The following SEMA5A variants were observed in gnomAD, a reference collection of about 807,000 sequenced individuals.
SEMA5A encodes the protein semaphorin-5A.
A neutral mutation model predicts 135.5 loss-of-function variants in SEMA5A; 55 were observed. That is an observed-to-expected ratio of 0.41 (90% CI 0.33 to 0.51). The LOEUF (loss-of-function observed/expected upper bound fraction) is 0.51, where lower values mean the gene tolerates loss of function less well. Among genes scored for constraint, SEMA5A ranks in the 20% least tolerant of loss-of-function variants. The probability of loss-of-function intolerance (pLI) is 0.37; values close to 1 mark genes in which losing one functional copy is unlikely to be tolerated. For synonymous variants in SEMA5A, 580 were observed against 546.5 expected, an observed-to-expected ratio of 1.06 and a Z score of -0.85; for missense variants, 1,290 against 1,419.9, an observed-to-expected ratio of 0.91 and a Z score of 1.47.
chr5:9,410,630 G>A (rs556532323), intron 2 of SEMA5A, among the ~76,000 whole-genome samples: 2 of 152,268 alleles, frequency 1.3e-5, no homozygotes, highest in East Asian at 3.9e-4. Context: ...AACACTGCAT[G>A]TTCTCACTTA....
At chr5:9,119,914 A>G (rs1740719013) in intron 14 of SEMA5A, among the ~76,000 whole-genome samples, 1 of 151,456 alleles carries the variant, frequency 6.6e-6, no homozygotes, top group African/African-American at 2.4e-5. Flanking sequence ...ATAAAAATAT[A>G]AAATAAAAAT....
At chr5:9,134,746 A>G (rs1413702505) in intron 13 of SEMA5A, among the ~76,000 whole-genome samples, 1 of 152,240 alleles carries the variant, frequency 6.6e-6, no homozygotes. Context: ...TTTATGATTA[A>G]AAATGCAAGA....
At chr5:9,051,665 C>G (rs190770412) in intron 20 of SEMA5A, among the ~76,000 whole-genome samples, 14 of 152,238 alleles carry the variant, frequency 9.2e-5, no homozygotes, top group Non-Finnish European at 1.3e-4. Flanking sequence ...GACACTTTTC[C>G]TAAGAAATCT....
intron 1 of SEMA5A, among the ~76,000 whole-genome samples, chr5:9,509,463 C>T (rs907666262): frequency 7.2e-5 from 11 of 151,910 alleles, no homozygotes; most frequent in South Asian, 4.2e-4. Flanking sequence ...TTAGTAGAGA[C>T]AGGTTTTCAT....
intron 5 of SEMA5A, among the ~76,000 whole-genome samples, chr5:9,309,742 A>G (rs1218860855): frequency 6.6e-6 from 1 of 152,180 alleles, no homozygotes; most frequent in African/African-American, 2.4e-5. Context: ...CTTGGTTCAT[A>G]TTCTCTGAAA....
intron 13 of SEMA5A, among the ~76,000 whole-genome samples, chr5:9,130,412 T>C (rs1741344252): frequency 6.6e-6 from 1 of 152,210 alleles, no homozygotes; most frequent in South Asian, 2.1e-4. Context: ...CATGCTATGA[T>C]ATCAACTAAG....
chr5:9,417,111 T>C (rs1309695859), intron 2 of SEMA5A, among the ~76,000 whole-genome samples: 1 of 152,242 alleles, frequency 6.6e-6, no homozygotes, highest in African/African-American at 2.4e-5. Flanking sequence ...TATTCTGCCA[T>C]GCAGAAAAAT....
intron 9 of SEMA5A, among the ~76,000 whole-genome samples, chr5:9,197,777 TGTGTGTG>T (rs1745492592): frequency 4.9e-5 from 6 of 123,488 alleles, no homozygotes; most frequent in Middle Eastern, 8.3e-3. Flanking sequence ...TGTGTGTGTG[TGTGTGTG>T]TTTTAACCCA....
intron 2 of SEMA5A, among the ~76,000 whole-genome samples, chr5:9,388,797 G>T (rs1298429766): frequency 6.6e-6 from 1 of 152,014 alleles, no homozygotes; most frequent in Non-Finnish European, 1.5e-5. Context: ...TACCCTGGAG[G>T]CTGAGGCAGG....
chr5:9,492,938 A>C (rs1345213404), intron 1 of SEMA5A, among the ~76,000 whole-genome samples: 1 of 152,140 alleles, frequency 6.6e-6, no homozygotes, highest in Non-Finnish European at 1.5e-5. Context: ...CTGTTGGTGG[A>C]TGCATGTCAT....
At chr5:9,472,840 A>G (rs148670502) in intron 1 of SEMA5A, among the ~76,000 whole-genome samples, 1,878 of 150,952 alleles carry the variant, frequency 0.012, 37 homozygotes, top group African/African-American at 0.042. Context: ...TATTAGAAGT[A>G]TATATAAAAA....
At chr5:9,141,145 A>C (rs2150230286) in intron 12 of SEMA5A, among the ~76,000 whole-genome samples, 1 of 152,282 alleles carries the variant, frequency 6.6e-6, no homozygotes, top group Middle Eastern at 3.4e-3. Context: ...CCATGGGCAA[A>C]ATTCTGATGA....
intron 14 of SEMA5A, among the ~76,000 whole-genome samples, chr5:9,121,853 G>C (rs1306272829): frequency 6.6e-6 from 1 of 152,150 alleles, no homozygotes; most frequent in Admixed American, 6.6e-5. Context: ...CATGACCTGG[G>C]CTCTCCTACA....
chr5:9,527,017 C>G (rs961871085), intron 1 of SEMA5A, among the ~76,000 whole-genome samples: 3 of 152,134 alleles, frequency 2.0e-5, no homozygotes, highest in Non-Finnish European at 2.9e-5. Context: ...ATGGCAAACT[C>G]CACCTGGGTA....
intron 1 of SEMA5A, among the ~76,000 whole-genome samples, chr5:9,518,892 A>AT (rs1006331232): frequency 2.1e-4 from 31 of 149,498 alleles, no homozygotes; most frequent in Admixed American, 7.3e-4. Context: ...TCTTTCACCT[A>AT]TTTTTTTTTT....
intron 13 of SEMA5A, among the ~76,000 whole-genome samples, chr5:9,135,954 C>A (rs552092760): frequency 6.6e-6 from 1 of 152,322 alleles, no homozygotes; most frequent in African/African-American, 2.4e-5. Flanking sequence ...GCTCTCAATA[C>A]AGGTGAGTTT....
chr5:9,362,177 C>T (rs749175818), intron 3 of SEMA5A, among the ~76,000 whole-genome samples: 1 of 152,142 alleles, frequency 6.6e-6, no homozygotes, highest in Non-Finnish European at 1.5e-5. Context: ...AGTTTCTGGC[C>T]TCCCTGCTCA....
intron 16 of SEMA5A, among the ~76,000 whole-genome samples, chr5:9,092,196 C>T (rs1364206952): frequency 1.3e-5 from 2 of 152,178 alleles, no homozygotes; most frequent in Non-Finnish European, 2.9e-5. Context: ...AACTAAGCTG[C>T]ACTAGATGAC....
chr5:9,239,069 C>T lies in SEMA5A; in HGVS notation c.271-1179G>A, dbSNP rs150236590. The stretch of plus-strand genomic sequence containing the variant: ...TAACACCATTCTCTAATATCTTCTG[C>T]CTTCCAAAGAATGTTACATAACAGA... On this transcript the variant is annotated intron_variant, in intron 5 of 22. Transcript: ENST00000382496. Among the ~76,000 whole-genome samples the T allele has an allele frequency of 4.7e-3, 715 of 152,206 alleles. 7 individuals carry two copies. The highest frequency in any genetic ancestry group is 0.016 in the African/African-American group (665 of 41,534).
Sources: gnomAD v4.1 joint callset for allele counts (sites outside exome capture counted in the v4.1 genomes callset) on GRCh38, gnomAD v4.1.1 for gene constraint, MANE v1.5 for transcripts, NCBI Gene and HGNC (gene_info 2026-07-23, HGNC 2026-07-21) for gene names.